ZCCHC4: variants seen among roughly 807,000 people sequenced by gnomAD.
The protein encoded by ZCCHC4 is zinc finger CCHC-type containing 4.
A neutral mutation model predicts 67.7 loss-of-function variants in ZCCHC4; 54 were observed. The ratio of observed to expected loss-of-function variants is 0.80; its 90% CI spans 0.64 to 1.00. The LOEUF (loss-of-function observed/expected upper bound fraction) is 1.00, where lower values mean the gene tolerates loss of function less well. ZCCHC4 is among the 50% of genes least tolerant of loss of function. The probability of loss-of-function intolerance (pLI) is 0.00; values close to 1 mark genes in which losing one functional copy is unlikely to be tolerated. For missense variants in ZCCHC4, 609 were observed against 617.0 expected (o/e 0.99, Z 0.14); for synonymous variants, 198 against 213.5 (o/e 0.93, Z 0.63).
intron 3 of ZCCHC4, among the ~76,000 whole-genome samples, chr4:25,329,932 C>T (rs1719094716): frequency 6.6e-6 from 1 of 152,150 alleles, no homozygotes; most frequent in Admixed American, 6.6e-5. Context: ...GCTTTAATGT[C>T]TCTACCAATA....
In ZCCHC4 at chr4:25,365,023, C is replaced by T. The variant is rs1166259137; in HGVS notation, c.1263C>T (p.Ser421=). 5.6e-6 allele frequency: 9 copies of T among 1,612,774 alleles called. No homozygotes were observed. In the South Asian group the frequency reaches 9.9e-5, roughly 18 times the overall value. ...TAAAACTTAATTTTTATTTTACAGCCTGGATCCACTGTAGCATCTGCAATC... is the reference window on the plus strand; with the variant it reads ...TAAAACTTAATTTTTATTTTACAGCTTGGATCCACTGTAGCATCTGCAATC... ...CFLCKKCVKP[S]WIHCSICNHC... is the part of the protein sequence containing the mutation. Residue 421 remains serine (S), a splice_region_variant and synonymous_variant, in exon 12 of 13, where the codon TCC becomes TCT. Coordinates refer to ENST00000302874, the MANE Select transcript of ZCCHC4 (RefSeq NM_024936.3).
intron 8 of ZCCHC4, chr4:25,351,961 T>G: frequency 9.1e-7 from 1 of 1,092,942 alleles, no homozygotes; most frequent in Non-Finnish European, 1.1e-6. Flanking sequence ...CTTGGGTGAC[T>G]CCAAGTGTGC....
chr4:25,316,134 C>A (rs1282794606), intron 3 of ZCCHC4, among the ~76,000 whole-genome samples: 1 of 152,214 alleles, frequency 6.6e-6, no homozygotes, highest in African/African-American at 2.4e-5. Flanking sequence ...AAGGTTCATG[C>A]ATGTGGTAGC....
rs1488751300 is a variant in ZCCHC4 at position 25,345,559 on chromosome 4, T to C, written c.698T>C (p.Phe233Ser). The C allele has an allele frequency of 5.8e-6, 9 of 1,541,248 alleles. No homozygotes were observed. Among genetic ancestry groups the C allele is most frequent in the Non-Finnish European group, 7.2e-6 (8 of 1,118,186 alleles). Reference sequence around the variant, plus strand: ...TAATTATTTTACAGGTATTCACAGTTTTATATGGAAGATAGCTTTTGCCAT... The same window carrying C: ...TAATTATTTTACAGGTATTCACAGTCTTATATGGAAGATAGCTTTTGCCAT... ...LLDIDFRYSQ[F>S]YMEDSFCHYN... Residue 233 changes from phenylalanine (F) to serine (S), a missense_variant, in exon 6 of 13, where the codon TTT (phenylalanine) becomes TCT (serine). Physicochemically the swap from Phe to Ser is radical, Grantham distance 155 (BLOSUM62 -2). Transcript: ENST00000302874.
chr4:25,360,130 T>C (rs1466968327), intron 8 of ZCCHC4, among the ~76,000 whole-genome samples: 1 of 152,242 alleles, frequency 6.6e-6, no homozygotes, highest in East Asian at 1.9e-4. Context: ...CAGTGGACTT[T>C]CATAGTGTTG....
At chr4:25,360,768 G>T (rs1375044981) in intron 8 of ZCCHC4, among the ~76,000 whole-genome samples, 1 of 152,210 alleles carries the variant, frequency 6.6e-6, no homozygotes, top group Non-Finnish European at 1.5e-5. Flanking sequence ...AGCCATTGCT[G>T]TTTAAGAAAG....
Position 25,359,932 on chromosome 4 carries a change from T to TG in ZCCHC4, c.1012-1925dup, listed in dbSNP as rs1182796824. On this transcript the variant is annotated intron_variant, in intron 8 of 12. Transcript: ENST00000302874. The surrounding 1 kb of genome is among the most constrained non-coding windows in gnomAD (Gnocchi z 4.9). ...TCTCCCACCAATGTACAGCAAGTGCTGGTGCTGGTAGACACCAGCGCAGAT... is the reference window on the plus strand; with the variant it reads ...TCTCCCACCAATGTACAGCAAGTGCTGGGTGCTGGTAGACACCAGCGCAGAT... Among the ~76,000 whole-genome samples the TG allele has an allele frequency of 6.6e-6, 1 of 152,248 alleles. No homozygotes were observed. Among genetic ancestry groups the TG allele is most frequent in the Admixed American group, 6.5e-5 (1 of 15,286 alleles).
intron 8 of ZCCHC4, among the ~76,000 whole-genome samples, chr4:25,356,334 A>G (rs1720516394): frequency 6.6e-6 from 1 of 152,188 alleles, no homozygotes; most frequent in Admixed American, 6.5e-5. Context: ...TAGGAGGTTT[A>G]TTTGTGTGGC....
intron 8 of ZCCHC4, among the ~76,000 whole-genome samples, chr4:25,355,008 A>G (rs1248117259): frequency 6.6e-6 from 1 of 150,860 alleles, no homozygotes; most frequent in African/African-American, 2.4e-5. Flanking sequence ...CTTTGGAAAT[A>G]CTTCCCAGGT....
chr4:25,331,931 A>G (rs926451329), intron 3 of ZCCHC4, among the ~76,000 whole-genome samples: 51 of 152,332 alleles, frequency 3.3e-4, no homozygotes, highest in African/African-American at 1.1e-3. Context: ...CTGTGCTTAG[A>G]TATAAAAAGT....
At chr4:25,314,941 T>C (rs966684359) in intron 2 of ZCCHC4, among the ~76,000 whole-genome samples, 11 of 152,210 alleles carry the variant, frequency 7.2e-5, no homozygotes, top group African/African-American at 2.4e-4. Context: ...TGGTATCCTC[T>C]TGAACTCGGC....
chr4:25,359,777 A>C lies in ZCCHC4; in HGVS notation c.1012-2082A>C, dbSNP rs1450126132. ...GAATGTTTCTGCGCGACCTGGTCCC[A>C]CCCTGGCACTCCAGCCTAAAGACTA... On this transcript the variant is annotated intron_variant, in intron 8 of 12. Coordinates refer to ENST00000302874, the MANE Select transcript of ZCCHC4 (RefSeq NM_024936.3). The surrounding 1 kb of genome is among the most constrained non-coding windows in gnomAD (Gnocchi z 4.9). 2.0e-5 allele frequency among the ~76,000 whole-genome samples: 3 copies of C among 152,218 alleles called. No individual in the cohort carries two copies. The highest frequency in any genetic ancestry group is 6.5e-5 in the Admixed American group (1 of 15,286).
rs571084374 is a variant in ZCCHC4, at chr4:25,365,581, A to C, written c.1406+415A>C. ...GGCATTTCAGATTGAATAGCAAGTA[A>C]TTCCACAGTAGGAAAATTGTGAGAA... On this transcript the variant is annotated intron_variant, in intron 12 of 12. Transcript: ENST00000302874. The C allele has an allele frequency of 8.3e-5, 82 of 987,638 alleles. No individual in the cohort carries two copies. In the African/African-American group the frequency reaches 1.4e-3, roughly 17 times the overall value. 61.2% of individuals were successfully genotyped at this position (987,638 alleles called of 1,614,324 possible). A position where few individuals can be genotyped will look rare whatever the true frequency, so the allele number is the denominator to read the frequency against.
chr4:25,352,186 A>G, intron 8 of ZCCHC4: 1 of 985,570 alleles, frequency 1.0e-6, no homozygotes, highest in Non-Finnish European at 1.2e-6. Context: ...CTCTGTGTGA[A>G]TGTGTTGATT....
chr4:25,321,649 A>C (rs895405759), intron 3 of ZCCHC4, among the ~76,000 whole-genome samples: 7 of 152,230 alleles, frequency 4.6e-5, no homozygotes, highest in African/African-American at 1.7e-4. Context: ...CTGGGATTAC[A>C]GGTGTGTGCC....
At chr4:25,335,633 G>A (rs1719421303) in intron 5 of ZCCHC4, among the ~76,000 whole-genome samples, 1 of 152,082 alleles carries the variant, frequency 6.6e-6, no homozygotes. Flanking sequence ...GGTGGTACGT[G>A]CCTATAGTCC....
At chr4:25,325,201 G>T (rs1341774621) in intron 3 of ZCCHC4, among the ~76,000 whole-genome samples, 4 of 108,794 alleles carry the variant, frequency 3.7e-5, no homozygotes, top group African/African-American at 6.4e-5. Flanking sequence ...CCGAGATCTC[G>T]CCACTGCACT....
At position 25,349,365 on chromosome 4, in the gene ZCCHC4, G is replaced by T. The variant is rs959882807; in HGVS notation, c.760-127G>T. The T allele has an allele frequency of 1.6e-5, 13 of 790,204 alleles. No homozygotes were observed. The East Asian group carries it at 3.2e-4, about 19-fold the overall frequency. The allele number at this position is 790,204 out of a possible 1,614,324, so 48.9% of individuals were successfully genotyped here. A position where few individuals can be genotyped will look rare whatever the true frequency, so the allele number is the denominator to read the frequency against. On this transcript the variant is annotated intron_variant, in intron 6 of 12. Transcript: ENST00000302874. ...TCAGAATGTCACTGAGGAATGCTGC[G>T]GTGGCAAGATGACTTGGTAAAGTTT... is the stretch of plus-strand genomic sequence containing the variant.
At chr4:25,341,801 A>G (rs1450430429) in intron 5 of ZCCHC4, among the ~76,000 whole-genome samples, 1 of 152,190 alleles carries the variant, frequency 6.6e-6, no homozygotes, top group Non-Finnish European at 1.5e-5. Flanking sequence ...AAGTAAATTC[A>G]CGTTGTTTGT....
Sources: allele counts gnomAD v4.1 joint callset (sites outside exome capture counted in the v4.1 genomes callset), GRCh38; gene constraint gnomAD v4.1.1; non-coding constraint Gnocchi (gnomAD v3.1); transcripts MANE v1.5; gene names NCBI Gene and HGNC (gene_info 2026-07-23, HGNC 2026-07-21).